Variants in ZC4H2 observed in about 807,000 individuals in gnomAD.
ZC4H2 encodes zinc finger C4H2-type containing, also known as zinc finger C4H2 domain-containing protein.
For synonymous variants in ZC4H2, 84 were observed against 66.3 expected (o/e 1.27, Z -1.30); for missense variants, 137 against 173.9 (o/e 0.79, Z 1.19).
chrX:64,982,995 G>A (rs1158501624), intron 1 of ZC4H2, among the ~76,000 whole-genome samples: 6 of 111,740 alleles, frequency 5.4e-5, no homozygotes, highest in Non-Finnish European at 1.9e-5. Flanking sequence ...GGAGTGGGAA[G>A]GCAGATGTCC....
chrX:64,965,489 A>G (rs931601093), intron 1 of ZC4H2: 2 of 317,254 alleles, frequency 6.3e-6, no homozygotes, highest in Admixed American at 3.3e-5. Context: ...AAAATGGATC[A>G]TAGACCTAAA....
chrX:64,976,314 G>T lies in ZC4H2; in HGVS notation c.53+11C>A, dbSNP rs750591039. On this transcript the variant is annotated intron_variant, in intron 1 of 4. Transcript: ENST00000374839. ...GGAGAGGGGCGGGGAGGGGGACAAC[G>T]TGCCACTTACCTGATCTCTTTAATG... 3.3e-6 allele frequency: 4 copies of T among 1,210,462 alleles called. No homozygotes were observed. Among genetic ancestry groups the T allele is most frequent in the Admixed American group, 2.2e-5 (1 of 46,057 alleles).
intron 1 of ZC4H2, among the ~76,000 whole-genome samples, chrX:64,937,369 A>G (rs1167224909): frequency 9.0e-6 from 1 of 111,319 alleles, no homozygotes; most frequent in Non-Finnish European, 1.9e-5. Flanking sequence ...TCAATATTAG[A>G]CAGATCAACG....
At chrX:64,951,674 G>C (rs201377008) in intron 1 of ZC4H2, among the ~76,000 whole-genome samples, 12 of 110,824 alleles carry the variant, frequency 1.1e-4, no homozygotes, top group African/African-American at 3.6e-4. Flanking sequence ...AAATTTGTTT[G>C]AGTTCATTGT....
intron 1 of ZC4H2, among the ~76,000 whole-genome samples, chrX:64,928,632 C>CCTTCTTTTT (rs1929545345): frequency 1.2e-5 from 1 of 83,338 alleles, no homozygotes; most frequent in Admixed American, 1.4e-4. Context: ...CCTGCTTTCT[C>CCTTCTTTTT]CTTCTTCTTC....
At chrX:64,922,100 A>C (rs946749367) in intron 1 of ZC4H2, 112 bp from the exon 2 acceptor site, 5 of 1,107,815 alleles carry the variant, frequency 4.5e-6, no homozygotes, top group Non-Finnish European at 5.9e-6. Context: ...CTCCAGGCAG[A>C]GCCAACCTGA....
intron 1 of ZC4H2, among the ~76,000 whole-genome samples, chrX:64,954,340 TTA>T (rs1230242512): frequency 1.1e-3 from 80 of 70,666 alleles, no homozygotes; most frequent in South Asian, 3.4e-3. Flanking sequence ...ATATATATAA[TTA>T]TATATATATA....
At chrX:64,964,440 A>G (rs1343919087) in intron 1 of ZC4H2, among the ~76,000 whole-genome samples, 1 of 111,559 alleles carries the variant, frequency 9.0e-6, no homozygotes. Flanking sequence ...CAAAACCAGT[A>G]AAGGAGTCAG....
chrX:64,984,660 G>A (rs1244205097), intron 1 of ZC4H2, among the ~76,000 whole-genome samples: 1 of 111,509 alleles, frequency 9.0e-6, no homozygotes, highest in East Asian at 2.8e-4. Flanking sequence ...AACTGGGGAG[G>A]CTAGCAATCT....
At chrX:64,996,551 A>G (rs977680416) in intron 1 of ZC4H2, among the ~76,000 whole-genome samples, 2 of 112,274 alleles carry the variant, frequency 1.8e-5, no homozygotes, top group African/African-American at 6.5e-5. Context: ...TAAATATGCT[A>G]AAAGAACTAA....
chrX:64,965,947 A>AG (rs1931574080), intron 1 of ZC4H2, among the ~76,000 whole-genome samples: 1 of 66,279 alleles, frequency 1.5e-5, no homozygotes. Context: ...CAAACAAAGA[A>AG]GCAAAAAAAA....
chrX:64,985,622 G>A (rs763681711), intron 1 of ZC4H2, among the ~76,000 whole-genome samples: 39 of 111,454 alleles, frequency 3.5e-4, no homozygotes, highest in Non-Finnish European at 5.3e-4. Context: ...TACAATGTGC[G>A]CTGTGTTATA....
At chrX:64,996,437 A>C (rs1336609129) in intron 1 of ZC4H2, among the ~76,000 whole-genome samples, 1 of 111,481 alleles carries the variant, frequency 9.0e-6, no homozygotes, top group East Asian at 2.8e-4. Context: ...TTCAACAAAA[A>C]AGCACAAGTC....
chrX:64,960,003 CAG>C (rs1931314045), intron 1 of ZC4H2, among the ~76,000 whole-genome samples: 1 of 110,845 alleles, frequency 9.0e-6, no homozygotes, highest in African/African-American at 3.3e-5. Context: ...TAACTAAAAA[CAG>C]AAAAAAACTG....
At chrX:65,032,778 C>CTTCCTTCCTTCCTTCCTTCT (rs1299603534) in intron 1 of ZC4H2, among the ~76,000 whole-genome samples, 2 of 101,404 alleles carry the variant, frequency 2.0e-5, no homozygotes, top group Admixed American at 1.1e-4. Context: ...TCCTTCCTTC[C>CTTCCTTCCTTCCTTCCTTCT]TTCTTTCTTT....
At chrX:65,023,836 G>A (rs1178637425) in intron 1 of ZC4H2, among the ~76,000 whole-genome samples, 2 of 111,613 alleles carry the variant, frequency 1.8e-5, no homozygotes, top group Non-Finnish European at 3.8e-5. Context: ...GTTCACAATA[G>A]CAAAGACCTG....
chrX:64,919,676 C>T (rs1312188571), intron 3 of ZC4H2: 1 of 145,357 alleles, frequency 6.9e-6, no homozygotes, highest in Non-Finnish European at 1.3e-5. Flanking sequence ...AAGTCCCAGG[C>T]CACTTCCTGA....
intron 1 of ZC4H2, among the ~76,000 whole-genome samples, chrX:64,989,255 G>T (rs947428088): frequency 2.7e-5 from 3 of 112,067 alleles, no homozygotes; most frequent in Non-Finnish European, 5.6e-5. Context: ...ATTCTGTGAA[G>T]AAAGTCATTG....
At chrX:64,954,388 AAT>A (rs1287908963) in intron 1 of ZC4H2, among the ~76,000 whole-genome samples, 1 of 72,862 alleles carries the variant, frequency 1.4e-5, no homozygotes, top group African/African-American at 1.4e-4. Flanking sequence ...ATATATTTAT[AAT>A]TATATATATA....
Sources: allele counts gnomAD v4.1 joint callset (sites outside exome capture counted in the v4.1 genomes callset), GRCh38; gene constraint gnomAD v4.1.1; transcripts MANE v1.5; gene names NCBI Gene and HGNC (gene_info 2026-07-23, HGNC 2026-07-21).